The following RGS7 variants were observed in gnomAD, a reference collection of about 807,000 sequenced individuals.
The protein encoded by RGS7 is regulator of G protein signaling 7.
RGS7 carries 27 observed loss-of-function variants against 81.1 expected under a neutral mutation model. The ratio of observed to expected loss-of-function variants is 0.33; its 90% CI spans 0.25 to 0.46. RGS7 has a LOEUF of 0.46. Ranked by LOEUF, RGS7 falls within the 20% of genes least tolerant of loss-of-function variation. The probability of loss-of-function intolerance (pLI) is 1.00; values close to 1 mark genes in which losing one functional copy is unlikely to be tolerated. For missense variants in RGS7, 396 were observed against 607.4 expected (o/e 0.65, Z 3.66); for synonymous variants, 208 against 207.7 (o/e 1.00, Z -0.01).
At chr1:241,060,824 G>A (rs2061703177) in intron 3 of RGS7, among the ~76,000 whole-genome samples, 1 of 152,156 alleles carries the variant, frequency 6.6e-6, no homozygotes, top group Non-Finnish European at 1.5e-5. Flanking sequence ...TTAAAACAAA[G>A]CTTAGCGTTA....
intron 9 of RGS7, among the ~76,000 whole-genome samples, chr1:240,853,611 C>T (rs1660488430): frequency 1.3e-5 from 2 of 152,002 alleles, no homozygotes; most frequent in African/African-American, 4.8e-5. Flanking sequence ...TACCAGATTT[C>T]AAAGCATGTT....
intron 2 of RGS7, among the ~76,000 whole-genome samples, chr1:241,100,202 C>T (rs1232209151): frequency 2.0e-5 from 3 of 150,704 alleles, no homozygotes; most frequent in African/African-American, 7.3e-5. Flanking sequence ...GGTGAAACCC[C>T]ATCTCTACTA....
At chr1:241,290,730 C>T (rs933388719) in intron 2 of RGS7, among the ~76,000 whole-genome samples, 1 of 152,168 alleles carries the variant, frequency 6.6e-6, no homozygotes, top group African/African-American at 2.4e-5. Context: ...CACTCTGTAG[C>T]TATGTAAGTT....
intron 3 of RGS7, among the ~76,000 whole-genome samples, chr1:240,992,135 C>A (rs1686542527): frequency 1.3e-5 from 2 of 152,112 alleles, no homozygotes; most frequent in Non-Finnish European, 2.9e-5. Flanking sequence ...ACAAGTAGAT[C>A]AAAGAGGATT....
intron 2 of RGS7, among the ~76,000 whole-genome samples, chr1:241,347,798 C>G (rs2082998124): frequency 6.6e-6 from 1 of 152,076 alleles, no homozygotes; most frequent in Non-Finnish European, 1.5e-5. Context: ...GAAAAAAAGT[C>G]ATAAACCAAG....
chr1:240,776,559 TC>T (rs1362534557), intron 18 of RGS7, among the ~76,000 whole-genome samples: 2 of 152,178 alleles, frequency 1.3e-5, no homozygotes, highest in Non-Finnish European at 2.9e-5. Context: ...ACACCTAGGT[TC>T]CCAACTGATT....
chr1:240,809,542 C>T (rs1689479762), intron 14 of RGS7, among the ~76,000 whole-genome samples: 1 of 152,138 alleles, frequency 6.6e-6, no homozygotes, highest in Non-Finnish European at 1.5e-5. Flanking sequence ...TTGTAGGAAA[C>T]CAAGAATGCC....
intron 2 of RGS7, among the ~76,000 whole-genome samples, chr1:241,243,449 A>C (rs1476379101): frequency 6.6e-6 from 1 of 152,240 alleles, no homozygotes; most frequent in Admixed American, 6.5e-5. Context: ...AAGAGGATTT[A>C]TTGCAAGAAT....
At chr1:241,207,882 G>T (rs1359679523) in intron 2 of RGS7, among the ~76,000 whole-genome samples, 1 of 152,054 alleles carries the variant, frequency 6.6e-6, no homozygotes, top group African/African-American at 2.4e-5. Context: ...ACTTGTTTTG[G>T]GGTTGTGTGG....
chr1:240,910,156 T>C (rs1465434830), intron 6 of RGS7, among the ~76,000 whole-genome samples: 4 of 152,228 alleles, frequency 2.6e-5, no homozygotes, highest in African/African-American at 9.6e-5. Flanking sequence ...TTTGTGTATA[T>C]ATAGATACTT....
intron 9 of RGS7, among the ~76,000 whole-genome samples, chr1:240,844,752 C>A (rs1273597869): frequency 2.6e-5 from 4 of 152,176 alleles, no homozygotes; most frequent in African/African-American, 9.7e-5. Flanking sequence ...GAATAATAGA[C>A]AGAAATGCTG....
intron 6 of RGS7, among the ~76,000 whole-genome samples, chr1:240,917,097 G>A (rs1342153750): frequency 6.6e-6 from 1 of 152,090 alleles, no homozygotes; most frequent in African/African-American, 2.4e-5. Flanking sequence ...AGAAGAGAGT[G>A]GGGTGATAGA....
chr1:241,191,885 T>C (rs187008461), intron 2 of RGS7, among the ~76,000 whole-genome samples: 1 of 152,350 alleles, frequency 6.6e-6, no homozygotes, highest in Non-Finnish European at 1.5e-5. Flanking sequence ...GAGTTGTTCA[T>C]ATGCGGGCAG....
intron 9 of RGS7, among the ~76,000 whole-genome samples, chr1:240,851,834 C>G (rs1196854491): frequency 6.6e-6 from 1 of 152,102 alleles, no homozygotes; most frequent in African/African-American, 2.4e-5. Flanking sequence ...GAAGTGGAGC[C>G]TACAGATTTG....
chr1:241,219,828 G>A (rs2074791058), intron 2 of RGS7, among the ~76,000 whole-genome samples: 1 of 150,908 alleles, frequency 6.6e-6, no homozygotes, highest in South Asian at 2.1e-4. Flanking sequence ...CTTAAGAAAT[G>A]TAAACATTAT....
At chr1:241,236,476 C>G (rs2148106768) in intron 2 of RGS7, among the ~76,000 whole-genome samples, 1 of 152,244 alleles carries the variant, frequency 6.6e-6, no homozygotes, top group South Asian at 2.1e-4. Context: ...CTTCCGCGCA[C>G]CCATCACATG....
intron 3 of RGS7, among the ~76,000 whole-genome samples, chr1:241,034,312 T>C (rs1451959405): frequency 1.3e-5 from 2 of 152,228 alleles, no homozygotes; most frequent in Admixed American, 6.5e-5. Flanking sequence ...GACTTTGAAA[T>C]GTCAAGCCAT....
chr1:241,252,656 G>C (rs1360494153), intron 2 of RGS7, among the ~76,000 whole-genome samples: 2 of 152,148 alleles, frequency 1.3e-5, no homozygotes, highest in African/African-American at 4.8e-5. Flanking sequence ...ACCATCCTCA[G>C]GTCTCCTGCC....
chr1:240,805,969 A>G (rs1201702740), intron 15 of RGS7, among the ~76,000 whole-genome samples, 171 bp downstream of exon 15: 1 of 152,178 alleles, frequency 6.6e-6, no homozygotes, highest in East Asian at 1.9e-4. Flanking sequence ...TAAAAAAACT[A>G]TTCAGTTTAA....
Sources: allele counts gnomAD v4.1 joint callset (sites outside exome capture counted in the v4.1 genomes callset), GRCh38; gene constraint gnomAD v4.1.1; transcripts MANE v1.5; gene names NCBI Gene and HGNC (gene_info 2026-07-23, HGNC 2026-07-21).